Variants in UBE4A observed in about 807,000 individuals in gnomAD.
UBE4A encodes ubiquitination factor E4A, also known as ubiquitin conjugation factor E4 A.
Under a neutral mutation model 117.9 loss-of-function variants are expected in UBE4A, and 48 were observed. The ratio of observed to expected loss-of-function variants is 0.41; its 90% CI spans 0.32 to 0.52. The LOEUF (loss-of-function observed/expected upper bound fraction) is 0.52, where lower values mean the gene tolerates loss of function less well. Ranked by LOEUF, UBE4A falls within the 20% of genes least tolerant of loss-of-function variation. The pLI is 0.33. For missense variants in UBE4A, 1,067 were observed against 1,296.3 expected, an observed-to-expected ratio of 0.82 and a Z score of 2.72; for synonymous variants, 407 against 450.0, an observed-to-expected ratio of 0.90 and a Z score of 1.21.
intron 16 of UBE4A, 77 bp downstream of exon 16, chr11:118,386,689 G>A (rs1244445236): frequency 1.8e-5 from 26 of 1,423,636 alleles, no homozygotes; most frequent in Non-Finnish European, 2.4e-5. Flanking sequence ...CAGCCCAGCT[G>A]AAACTAAGAA....
Position 118,396,541 on chromosome 11 carries a change from C to CTTT in UBE4A, c.*104_*106dup, listed in dbSNP as rs1381122929. On this transcript the variant is annotated 3_prime_UTR_variant, in exon 20 of 20. Transcript: ENST00000252108. ...TTCTGTTCCTTTTCTTTCTTCTTTTCTTTTTCTTTTTTTTTTTTTTTTTTA... is the reference window on the plus strand; with the variant it reads ...TTCTGTTCCTTTTCTTTCTTCTTTTCTTTTTTTTCTTTTTTTTTTTTTTTTTTA... The CTTT allele has an allele frequency of 3.3e-6, 3 of 911,744 alleles. No homozygotes were observed. Among genetic ancestry groups the CTTT allele is most frequent in the South Asian group, 4.9e-5 (2 of 40,568 alleles). 56.5% of individuals were successfully genotyped at this position (911,744 alleles called of 1,614,324 possible). A position where few individuals can be genotyped will look rare whatever the true frequency, so the allele number is the denominator to read the frequency against.
chr11:118,377,222 G>C (rs528294984), intron 10 of UBE4A, among the ~76,000 whole-genome samples: 1 of 152,244 alleles, frequency 6.6e-6, no homozygotes, highest in South Asian at 2.1e-4. Flanking sequence ...TGTCGTTGTT[G>C]TTGAAATGGA....
Position 118,381,432 on chromosome 11 carries a change from C to T in UBE4A, c.1918C>T (p.Arg640Cys), listed in dbSNP as rs1433710811. ...DNLGDFLIFLRRFADDILETS... is the reference protein window; with the variant it reads ...DNLGDFLIFLCRFADDILETS... ...CCTGGGTGATTTTCTCATTTTTCTC[C>T]GCCGCTTTGCCGATGACATTTTGGA... Residue 640 changes from arginine to cysteine, a missense_variant, in exon 12 of 20, where the codon CGC becomes TGC. This residue lies in a region of UBE4A where 1,001 missense variants were observed against 1,184.0 expected (regional missense o/e 0.85). Coordinates refer to ENST00000252108, the MANE Select transcript of UBE4A (RefSeq NM_001204077.2). 19 of 1,613,364 alleles carry T rather than the reference C, an allele frequency of 1.2e-5. No homozygotes were observed. The highest frequency in any genetic ancestry group is 8.0e-5 in the African/African-American group (6 of 74,836).
At chr11:118,376,747 G>T in intron 10 of UBE4A, 53 bp downstream of exon 10, 1 of 1,589,998 alleles carries the variant, frequency 6.3e-7, no homozygotes, top group Non-Finnish European at 8.6e-7. Flanking sequence ...TTGATAACTA[G>T]AAGGTAGAAA....
In UBE4A at chr11:118,371,604, G is replaced by C. The variant is rs1454658615; in HGVS notation, c.499G>C (p.Asp167His). The stretch of plus-strand genomic sequence containing the variant: ...AACGCTAAATCTCTCTGCTGATCGA[G>C]ATGCAGGAGAGAGGCACATTTTTTG... Reference protein sequence around the residue: ...STTLNLSADRDAGERHIFCYL... With the variant: ...STTLNLSADRHAGERHIFCYL... The change falls in exon 5 of 20, where the codon GAT becomes CAT. Residue 167 changes from aspartate (D) to histidine (H), a missense_variant. Asp to His is a moderately conservative substitution (Grantham distance 81). Transcript: ENST00000252108. The C allele has an allele frequency of 6.2e-7, 1 of 1,613,932 alleles. No individual in the cohort carries two copies.
intron 16 of UBE4A, among the ~76,000 whole-genome samples, 192 bp downstream of exon 16, chr11:118,386,804 A>T (rs1948763547): frequency 6.6e-6 from 1 of 152,234 alleles, no homozygotes; most frequent in Non-Finnish European, 1.5e-5. Flanking sequence ...AAGTGAGGAA[A>T]TGGTCACCCT....
chr11:118,373,886 C>T (rs765527570), intron 8 of UBE4A, among the ~76,000 whole-genome samples: 1 of 152,100 alleles, frequency 6.6e-6, no homozygotes, highest in African/African-American at 2.4e-5. Flanking sequence ...GTGGGAGGAT[C>T]GCTTGAGCCC....
At chr11:118,366,809 C>A (rs1439402962) in intron 2 of UBE4A, among the ~76,000 whole-genome samples, 1 of 152,238 alleles carries the variant, frequency 6.6e-6, no homozygotes, top group Non-Finnish European at 1.5e-5. Context: ...TGGCTCGCGC[C>A]TGTAATCCCA....
At chr11:118,374,823 A>G (rs1279450603) in intron 8 of UBE4A, 73 bp from the exon 9 acceptor site, 3 of 1,380,372 alleles carry the variant, frequency 2.2e-6, no homozygotes, top group African/African-American at 2.9e-5. Context: ...GGAAACTGCC[A>G]GTTGCTAAGG....
chr11:118,369,445 G>T lies in UBE4A; in HGVS notation c.318G>T (p.Gly106=), dbSNP rs73613940. Residue 106 remains glycine, a synonymous_variant, in exon 4 of 20, where the codon GGG becomes GGT. Transcript: ENST00000252108. ...CAGGTGATCCCAGCTTGAAAAGCGG[G>T]AATGGCATCCCTAGCCGTTGTGTGT... ...LDNSDPSLKS[G]NGIPSRCVYL... The T allele has an allele frequency of 8.6e-5, 139 of 1,614,030 alleles. No homozygotes were observed. Among genetic ancestry groups the T allele is most frequent in the Non-Finnish European group, 1.1e-4 (133 of 1,180,018 alleles).
intron 10 of UBE4A, among the ~76,000 whole-genome samples, chr11:118,377,428 C>T (rs552454493): frequency 6.6e-6 from 1 of 151,918 alleles, no homozygotes; most frequent in South Asian, 2.1e-4. Context: ...AGGCTGGTCT[C>T]GAACTCCTGA....
Position 118,399,028 on chromosome 11 carries a change from T to G in UBE4A, c.*2588T>G. Reference sequence around the variant, plus strand: ...CTGTTGATGTCATGTGAGGAAATAATGCACATGCTCTAACTGCTCAACAGG... The same window carrying G: ...CTGTTGATGTCATGTGAGGAAATAAGGCACATGCTCTAACTGCTCAACAGG... On this transcript the variant is annotated 3_prime_UTR_variant, in exon 20 of 20. Coordinates refer to ENST00000252108, the MANE Select transcript of UBE4A (RefSeq NM_001204077.2). 1 of 456,558 alleles carries G rather than the reference T, an allele frequency of 2.2e-6. No individual in the cohort carries two copies. The highest frequency in any genetic ancestry group is 4.4e-6 in the Non-Finnish European group (1 of 226,902). The allele number at this position is 456,558 out of a possible 1,614,324, so 28.3% of individuals were successfully genotyped here. A position where few individuals can be genotyped will look rare whatever the true frequency, so the allele number is the denominator to read the frequency against.
chr11:118,362,497 G>A (rs1948528285), intron 1 of UBE4A, among the ~76,000 whole-genome samples: 2 of 152,126 alleles, frequency 1.3e-5, no homozygotes, highest in Admixed American at 6.5e-5. Context: ...CTGCTTACGT[G>A]TTGCAGGTGA....
chr11:118,391,187 T>C (rs782721644), intron 18 of UBE4A, among the ~76,000 whole-genome samples: 13 of 152,106 alleles, frequency 8.5e-5, no homozygotes, highest in Non-Finnish European at 1.5e-4. Flanking sequence ...AGAGTGAGAA[T>C]AGAAATTTAA....
At position 118,373,826 on chromosome 11, in the gene UBE4A, A is replaced by C. The variant is rs531685986; in HGVS notation, c.1116+141A>C. 85 of 1,070,916 alleles carry C rather than the reference A, an allele frequency of 7.9e-5. No homozygotes were observed. In the African/African-American group the frequency reaches 1.1e-3, roughly 14 times the overall value. The allele number at this position is 1,070,916 out of a possible 1,614,324, so 66.3% of individuals were successfully genotyped here. ...TTTTACATCACATAAATAAATTAAA[A>C]CTGGGCATGGTAGCTCAAGCCTGTA... On this transcript the variant is annotated intron_variant, in intron 8 of 19. Coordinates refer to ENST00000252108, the MANE Select transcript of UBE4A (RefSeq NM_001204077.2).
chr11:118,365,156 A>G lies in UBE4A; in HGVS notation c.76A>G (p.Lys26Glu). 6.2e-7 allele frequency: 1 copy of G among 1,613,848 alleles called. No individual in the cohort carries two copies. The highest frequency in any genetic ancestry group is 8.5e-7 in the Non-Finnish European group (1 of 1,179,876). The stretch of plus-strand genomic sequence containing the variant: ...TCTTTTTGGCTCCCTGGCTGATGCC[A>G]AACAGTTTGCGGCAATCCAAAAAGA... ...AALFGSLADA[K>E]QFAAIQKEQL... The change falls in exon 2 of 20, where the codon AAA becomes GAA. Residue 26 changes from lysine (K) to glutamate (E), a missense_variant. By Grantham distance (56) the Lys-to-Glu change is moderately conservative (BLOSUM62 1). Coordinates refer to ENST00000252108, the MANE Select transcript of UBE4A (RefSeq NM_001204077.2).
chr11:118,368,546 T>A, intron 2 of UBE4A, 85 bp from the exon 3 acceptor site: 1 of 1,409,204 alleles, frequency 7.1e-7, no homozygotes, highest in Admixed American at 1.9e-5. Flanking sequence ...ATTATCATCT[T>A]CTTGGTTACA....
chr11:118,388,916 C>T (rs781800258), intron 16 of UBE4A, among the ~76,000 whole-genome samples: 7 of 152,096 alleles, frequency 4.6e-5, no homozygotes, highest in Non-Finnish European at 8.8e-5. Flanking sequence ...CTGCCTTGAA[C>T]CATGATCGTG....
Position 118,368,677 on chromosome 11 carries a change from G to A in UBE4A, c.168G>A (p.Glu56=). 6.2e-7 allele frequency: 1 copy of A among 1,614,218 alleles called. No individual in the cohort carries two copies. Among genetic ancestry groups the A allele is most frequent in the Non-Finnish European group, 8.5e-7 (1 of 1,180,040 alleles). ...SPDDSDNSVS[E]SLDEFDYSVA... Reference sequence around the variant, plus strand: ...ATGACTCGGATAATAGCGTGTCAGAGAGCCTGGATGAATTCGATTACTCTG... The same window carrying A: ...ATGACTCGGATAATAGCGTGTCAGAAAGCCTGGATGAATTCGATTACTCTG... The change falls in exon 3 of 20, where the codon GAG becomes GAA. Residue 56 remains glutamate, a synonymous_variant. Coordinates refer to ENST00000252108, the MANE Select transcript of UBE4A (RefSeq NM_001204077.2).
Sources: allele counts gnomAD v4.1 joint callset (sites outside exome capture counted in the v4.1 genomes callset), GRCh38; gene constraint gnomAD v4.1.1; regional missense constraint gnomAD v4.1.1; transcripts MANE v1.5; gene names NCBI Gene and HGNC (gene_info 2026-07-23, HGNC 2026-07-21).